TCTA: variants seen among roughly 807,000 people sequenced by gnomAD.
TCTA encodes the protein T-cell leukemia translocation-altered gene protein.
TCTA carries 13 observed loss-of-function variants against 13.5 expected under a neutral mutation model. The observed-to-expected ratio is 0.96, with a 90% CI of 0.63 to 1.53. The LOEUF (loss-of-function observed/expected upper bound fraction) is 1.53, where lower values mean the gene tolerates loss of function less well. Ranked by LOEUF, TCTA falls within the 40% of genes most tolerant of loss-of-function variation. The pLI, the probability that TCTA is intolerant of heterozygous loss-of-function variation, is 0.00. For synonymous variants in TCTA, 58 were observed against 59.0 expected (o/e 0.98, Z 0.08); for missense variants, 138 against 131.3 (o/e 1.05, Z -0.25).
chr3:49,413,420 G>A (rs993795379), intron 2 of TCTA: 1 of 389,196 alleles, frequency 2.6e-6, no homozygotes, highest in Non-Finnish European at 4.8e-6. Context: ...AGTAATCTCT[G>A]TCCTGAGCAC....
At position 49,414,866 on chromosome 3, in the gene TCTA, AAGG is replaced by A; in HGVS notation, c.*5_*7del. On this transcript the variant is annotated 3_prime_UTR_variant, in exon 3 of 3. Transcript: ENST00000273590. ...TCTCAAAACCCACAGAGAATAAGGG[AAGG>A]CAGCAGAGGGTCTCCAAGGGCATCA... 1 of 1,613,868 alleles carries A rather than the reference AAGG, an allele frequency of 6.2e-7. No homozygotes were observed. Among genetic ancestry groups the A allele is most frequent in the Non-Finnish European group, 8.5e-7 (1 of 1,179,860 alleles).
At position 49,414,856 on chromosome 3, in the gene TCTA, A is replaced by G. The variant is rs1244919819; in HGVS notation, c.306A>G (p.Arg102=). 1.2e-5 allele frequency: 19 copies of G among 1,613,854 alleles called. No homozygotes were observed. The highest frequency in any genetic ancestry group is 1.5e-5 in the Non-Finnish European group (18 of 1,179,872). Residue 102 remains arginine (R), a synonymous_variant, in exon 3 of 3, where the codon AGA becomes AGG. Coordinates refer to ENST00000273590, the MANE Select transcript of TCTA (RefSeq NM_022171.3). ...MAANEPLKTH[R]E is the part of the protein sequence containing the mutation. Reference sequence around the variant, plus strand: ...CAAACGAACCTCTCAAAACCCACAGAGAATAAGGGAAGGCAGCAGAGGGTC... The same window carrying G: ...CAAACGAACCTCTCAAAACCCACAGGGAATAAGGGAAGGCAGCAGAGGGTC...
rs533172569 is a variant in TCTA, at chr3:49,416,211, G to A, written c.*1349G>A. On this transcript the variant is annotated 3_prime_UTR_variant, in exon 3 of 3. Coordinates refer to ENST00000273590, the MANE Select transcript of TCTA (RefSeq NM_022171.3). ...AGCCCTGGACCTGCCTCCTTCCCTC[G>A]GGGCCATACTTCTGTTTCCATCTGC... 1.4e-4 allele frequency: 22 copies of A among 158,350 alleles called. No homozygotes were observed. Among genetic ancestry groups the A allele is most frequent in the South Asian group, 3.6e-4 (2 of 5,632 alleles). 9.8% of individuals were successfully genotyped at this position (158,350 alleles called of 1,614,324 possible). A position where few individuals can be genotyped will look rare whatever the true frequency, so the allele number is the denominator to read the frequency against.
At chr3:49,413,915 G>A (rs2107925229) in intron 2 of TCTA, among the ~76,000 whole-genome samples, 1 of 152,294 alleles carries the variant, frequency 6.6e-6, no homozygotes, top group East Asian at 1.9e-4. Context: ...AGGGCTAGAG[G>A]TTAGAAAGGC....
intron 2 of TCTA, 111 bp downstream of exon 2, chr3:49,413,221 T>C: frequency 8.1e-7 from 1 of 1,239,612 alleles, no homozygotes; most frequent in Non-Finnish European, 1.2e-6. Flanking sequence ...CTTAATGGCC[T>C]TTGCAGCAAG....
chr3:49,412,771 C>T (rs1302984320), intron 1 of TCTA, 131 bp downstream of exon 1: 4 of 1,103,010 alleles, frequency 3.6e-6, no homozygotes, highest in Admixed American at 2.4e-5. Flanking sequence ...CCTTACTACC[C>T]TGAACGCATC....
Position 49,415,032 on chromosome 3 carries a change from C to A in TCTA, c.*170C>A. 1 of 692,260 alleles carries A rather than the reference C, an allele frequency of 1.4e-6. No individual in the cohort carries two copies. The highest frequency in any genetic ancestry group is 1.9e-5 in the South Asian group (1 of 54,004). 42.9% of individuals were successfully genotyped at this position (692,260 alleles called of 1,614,324 possible). A position where few individuals can be genotyped will look rare whatever the true frequency, so the allele number is the denominator to read the frequency against. ...CTTCTGCCTCTTAAGCCTGCTCCCT[C>A]ACCCAGGCACTGGGCAAGTGAAGAG... On this transcript the variant is annotated 3_prime_UTR_variant, in exon 3 of 3. Transcript: ENST00000273590.
At chr3:49,414,133 C>T (rs1293142499) in intron 2 of TCTA, among the ~76,000 whole-genome samples, 5 of 150,940 alleles carry the variant, frequency 3.3e-5, no homozygotes, top group Non-Finnish European at 7.4e-5. Context: ...CCCAGCTACT[C>T]GGGAGGCTGA....
intron 1 of TCTA, 129 bp downstream of exon 1, chr3:49,412,769 C>A: frequency 8.6e-7 from 1 of 1,156,890 alleles, no homozygotes; most frequent in Non-Finnish European, 1.2e-6. Flanking sequence ...GGCCTTACTA[C>A]CCTGAACGCA....
At chr3:49,413,990 A>G (rs2048980043) in intron 2 of TCTA, among the ~76,000 whole-genome samples, 1 of 152,254 alleles carries the variant, frequency 6.6e-6, no homozygotes, top group Non-Finnish European at 1.5e-5. Flanking sequence ...CTGTAATCCC[A>G]GCACTTTGGG....
chr3:49,414,787 C>T, intron 2 of TCTA, 33 bp from the exon 3 acceptor site: 2 of 1,613,540 alleles, frequency 1.2e-6, no homozygotes, highest in Middle Eastern at 3.3e-4. Flanking sequence ...CATGGAATAA[C>T]CACTCTCTCT....
At chr3:49,412,777 G>C in intron 1 of TCTA, 137 bp downstream of exon 1, 2 of 1,075,830 alleles carry the variant, frequency 1.9e-6, no homozygotes, top group Non-Finnish European at 1.3e-6. Context: ...TACCCTGAAC[G>C]CATCTGACCT....
chr3:49,413,377 T>A, intron 2 of TCTA: 1 of 536,342 alleles, frequency 1.9e-6, no homozygotes, highest in Non-Finnish European at 3.4e-6. Flanking sequence ...TTTGTTGGAT[T>A]CCACTCTGCA....
In TCTA at chr3:49,415,093, G is replaced by C; in HGVS notation, c.*231G>C. The stretch of plus-strand genomic sequence containing the variant: ...CTCTTATCTGGGTGCCTTAAGGAGA[G>C]AGATTGTGTTCTTCCTCTCTCAGGG... On this transcript the variant is annotated 3_prime_UTR_variant, in exon 3 of 3. Coordinates refer to ENST00000273590, the MANE Select transcript of TCTA (RefSeq NM_022171.3). 1.9e-6 allele frequency: 1 copy of C among 527,688 alleles called. No homozygotes were observed. Among genetic ancestry groups the C allele is most frequent in the Admixed American group, 3.3e-5 (1 of 30,576 alleles). 32.7% of individuals were successfully genotyped at this position (527,688 alleles called of 1,614,324 possible).
chr3:49,412,858 T>A, intron 1 of TCTA, 198 bp from the exon 2 acceptor site: 1 of 731,198 alleles, frequency 1.4e-6, no homozygotes, highest in Non-Finnish European at 2.2e-6. Context: ...CATACCATTT[T>A]ACGCCAGAAT....
chr3:49,414,957 G>C lies in TCTA; in HGVS notation c.*95G>C. The C allele has an allele frequency of 6.6e-7, 1 of 1,524,666 alleles. No individual in the cohort carries two copies. The highest frequency in any genetic ancestry group is 1.1e-5 in the South Asian group (1 of 87,652). The allele number at this position is 1,524,666 out of a possible 1,614,324, so 94.4% of individuals were successfully genotyped here. On this transcript the variant is annotated 3_prime_UTR_variant, in exon 3 of 3. Transcript: ENST00000273590. Reference sequence around the variant, plus strand: ...CCCAGACCTCAGGGACAACTGCCGGGGGTTCAGGGTTGGTAGCAGGGAGTA... The same window carrying C: ...CCCAGACCTCAGGGACAACTGCCGGCGGTTCAGGGTTGGTAGCAGGGAGTA...
At chr3:49,414,735 A>G (rs990660469) in intron 2 of TCTA, 85 bp from the exon 3 acceptor site, 5 of 1,552,590 alleles carry the variant, frequency 3.2e-6, no homozygotes, top group Non-Finnish European at 4.4e-6. Flanking sequence ...CTCAGCCCCC[A>G]AGAAGGAGCT....
At chr3:49,412,926 C>T in intron 1 of TCTA, 130 bp from the exon 2 acceptor site, 1 of 906,928 alleles carries the variant, frequency 1.1e-6, no homozygotes, top group African/African-American at 1.7e-5. Flanking sequence ...CCTGGCAATA[C>T]CATTAGTCCC....
intron 2 of TCTA, 52 bp from the exon 3 acceptor site, chr3:49,414,768 T>C (rs2048986526): frequency 1.2e-6 from 2 of 1,611,300 alleles, no homozygotes; most frequent in South Asian, 2.2e-5. Context: ...TTTCAGCAAC[T>C]GTTCTGCCCA....
Sources: gnomAD v4.1 joint callset for allele counts (sites outside exome capture counted in the v4.1 genomes callset) on GRCh38, gnomAD v4.1.1 for gene constraint, MANE v1.5 for transcripts, NCBI Gene and HGNC (gene_info 2026-07-23, HGNC 2026-07-21) for gene names.